The following CLSTN2 variants were observed in gnomAD, a reference collection of about 807,000 sequenced individuals.
CLSTN2 encodes the protein calsyntenin 2, also known as calsyntenin-2.
In CLSTN2, 48 loss-of-function variants were observed where a neutral mutation model predicts 101.2. The ratio of observed to expected loss-of-function variants is 0.47; its 90% CI spans 0.38 to 0.60. CLSTN2 has a LOEUF of 0.60. Ranked by LOEUF, CLSTN2 falls within the 20% of genes least tolerant of loss-of-function variation. The pLI is 0.00. For synonymous variants in CLSTN2, 481 were observed against 463.6 expected (o/e 1.04, Z -0.48); for missense variants, 1,160 against 1,238.2 (o/e 0.94, Z 0.95).
intron 9 of CLSTN2, among the ~76,000 whole-genome samples, chr3:140,542,933 G>A (rs1160409079): frequency 6.6e-6 from 1 of 152,134 alleles, no homozygotes; most frequent in Non-Finnish European, 1.5e-5. Context: ...GTGCATGGAT[G>A]GATGTACTCA....
At chr3:140,051,579 C>T (rs192658428) in intron 1 of CLSTN2, among the ~76,000 whole-genome samples, 63 of 152,292 alleles carry the variant, frequency 4.1e-4, no homozygotes, top group African/African-American at 5.5e-4. Flanking sequence ...TATTCACACG[C>T]GTGTTTCTCC....
chr3:140,459,286 C>T (rs1020270300), intron 6 of CLSTN2, among the ~76,000 whole-genome samples: 2 of 152,234 alleles, frequency 1.3e-5, no homozygotes, highest in Non-Finnish European at 2.9e-5. Flanking sequence ...TGCATCCTAT[C>T]TTGCCACATG....
intron 1 of CLSTN2, among the ~76,000 whole-genome samples, chr3:140,043,476 C>T (rs2007803085): frequency 6.6e-6 from 1 of 152,108 alleles, no homozygotes; most frequent in South Asian, 2.1e-4. Flanking sequence ...CTGTAGGTTG[C>T]CTGTTCATTC....
chr3:140,188,869 A>T (rs1181941333), intron 2 of CLSTN2, among the ~76,000 whole-genome samples: 1 of 152,152 alleles, frequency 6.6e-6, no homozygotes, highest in Non-Finnish European at 1.5e-5. Flanking sequence ...TACAGACAAG[A>T]TACAGAGCAT....
intron 5 of CLSTN2, among the ~76,000 whole-genome samples, chr3:140,428,335 T>C (rs1452064518): frequency 6.6e-6 from 1 of 151,694 alleles, no homozygotes; most frequent in Non-Finnish European, 1.5e-5. Context: ...TCCCTTTTAT[T>C]GTTGCAAGTC....
At chr3:140,247,818 G>A in intron 2 of CLSTN2, among the ~76,000 whole-genome samples, 1 of 152,062 alleles carries the variant, frequency 6.6e-6, no homozygotes, top group Non-Finnish European at 1.5e-5. Context: ...CAGTCTGGAG[G>A]GCTCCCTCAT....
intron 1 of CLSTN2, among the ~76,000 whole-genome samples, chr3:140,051,577 C>T (rs767482134): frequency 4.6e-5 from 7 of 152,296 alleles, no homozygotes; most frequent in African/African-American, 9.6e-5. Context: ...ATTATTCACA[C>T]GCGTGTTTCT....
At chr3:139,965,419 G>A (rs529836050) in intron 1 of CLSTN2, among the ~76,000 whole-genome samples, 39 of 152,194 alleles carry the variant, frequency 2.6e-4, no homozygotes, top group Admixed American at 1.1e-3. Context: ...TGTCTCCGAT[G>A]CCTCTCCAGG....
At chr3:140,054,670 A>G (rs2008066289) in intron 1 of CLSTN2, among the ~76,000 whole-genome samples, 1 of 152,200 alleles carries the variant, frequency 6.6e-6, no homozygotes, top group Non-Finnish European at 1.5e-5. Flanking sequence ...GCAGTGGGCC[A>G]TGTATAGGAC....
chr3:140,285,383 A>T (rs2086886516), intron 2 of CLSTN2, among the ~76,000 whole-genome samples: 1 of 152,134 alleles, frequency 6.6e-6, no homozygotes, highest in African/African-American at 2.4e-5. Context: ...CTGTTGCTTA[A>T]GGGAGTGTTA....
chr3:140,466,933 T>C (rs1933720793), intron 8 of CLSTN2, among the ~76,000 whole-genome samples: 1 of 152,166 alleles, frequency 6.6e-6, no homozygotes, highest in Non-Finnish European at 1.5e-5. Context: ...TGGAAAGGGA[T>C]ACGCTTCCCA....
At chr3:140,044,561 A>G (rs1261142812) in intron 1 of CLSTN2, among the ~76,000 whole-genome samples, 1 of 152,158 alleles carries the variant, frequency 6.6e-6, no homozygotes, top group African/African-American at 2.4e-5. Context: ...AACTTCCAAC[A>G]CTATGTTGAA....
chr3:140,236,656 A>T lies in CLSTN2; in HGVS notation c.232+60583A>T, dbSNP rs539824818. Among the ~76,000 whole-genome samples, 4 of 151,786 alleles carry T rather than the reference A, an allele frequency of 2.6e-5. No individual in the cohort carries two copies. The East Asian group carries it at 7.7e-4, about 29-fold the overall frequency. On this transcript the variant is annotated intron_variant, in intron 2 of 16. Transcript: ENST00000458420. Reference sequence around the variant, plus strand: ...AGCTCACCGATGCTCTATTCACTTAATTTTTCAGTTGTATTTTTCTCTATT... The same window carrying T: ...AGCTCACCGATGCTCTATTCACTTATTTTTTCAGTTGTATTTTTCTCTATT...
intron 2 of CLSTN2, among the ~76,000 whole-genome samples, chr3:140,399,317 T>G (rs1351400785): frequency 6.6e-6 from 1 of 152,318 alleles, no homozygotes; most frequent in East Asian, 1.9e-4. Flanking sequence ...ACAAAAAAAG[T>G]TCTTGTATAA....
intron 2 of CLSTN2, among the ~76,000 whole-genome samples, chr3:140,299,218 A>C (rs888302621): frequency 2.0e-5 from 3 of 152,180 alleles, no homozygotes; most frequent in African/African-American, 7.2e-5. Context: ...TCTAGGGAGG[A>C]AGGGGCTGTA....
intron 8 of CLSTN2, among the ~76,000 whole-genome samples, chr3:140,480,886 T>C (rs1934102251): frequency 6.6e-6 from 1 of 152,196 alleles, no homozygotes; most frequent in Non-Finnish European, 1.5e-5. Flanking sequence ...TTTTCTCCCA[T>C]TCTGTAGGTT....
At chr3:140,393,271 G>A (rs558874707) in intron 2 of CLSTN2, among the ~76,000 whole-genome samples, 3 of 152,284 alleles carry the variant, frequency 2.0e-5, no homozygotes, top group African/African-American at 7.2e-5. Flanking sequence ...AAAAAATGGG[G>A]AGAGAGAGAT....
At chr3:140,329,452 ATGGCTGATTCTAGGGTCAGC>A (rs1447892556) in intron 2 of CLSTN2, among the ~76,000 whole-genome samples, 2 of 152,284 alleles carry the variant, frequency 1.3e-5, no homozygotes, top group East Asian at 3.9e-4. Flanking sequence ...TGGGGCAGAA[ATGGCTGATTCTAGGGTCAGC>A]TGCCTGGCCT....
intron 2 of CLSTN2, among the ~76,000 whole-genome samples, chr3:140,277,285 G>A (rs897598493): frequency 2.0e-5 from 3 of 152,192 alleles, no homozygotes; most frequent in Non-Finnish European, 4.4e-5. Flanking sequence ...GCAGGTCTGA[G>A]GAGCTGAGTT....
Sources: allele counts gnomAD v4.1 joint callset (sites outside exome capture counted in the v4.1 genomes callset), GRCh38; gene constraint gnomAD v4.1.1; transcripts MANE v1.5; gene names NCBI Gene and HGNC (gene_info 2026-07-23, HGNC 2026-07-21).